The following GPATCH8 variants were observed in gnomAD, a reference collection of about 807,000 sequenced individuals.
GPATCH8 encodes G patch domain-containing protein 8.
A neutral mutation model predicts 118.3 loss-of-function variants in GPATCH8; 18 were observed. The observed-to-expected ratio is 0.15, with a 90% CI of 0.11 to 0.23. GPATCH8 has a LOEUF of 0.23. GPATCH8 is among the 10% of genes least tolerant of loss of function. GPATCH8 has a pLI of 1.00. For missense variants in GPATCH8, 1,631 were observed against 1,873.8 expected (o/e 0.87, Z 2.39); for synonymous variants, 659 against 684.7 (o/e 0.96, Z 0.59).
At chr17:44,502,991 C>G (rs1344208659) in intron 1 of GPATCH8, among the ~76,000 whole-genome samples, 2 of 152,244 alleles carry the variant, frequency 1.3e-5, no homozygotes, top group Non-Finnish European at 2.9e-5. Context: ...CCCCTCTTGT[C>G]CCCTGGGAGC....
Position 44,400,190 on chromosome 17 carries a change from T to G in GPATCH8, c.1887A>C (p.Arg629Ser). ...GEKIVRSSGG[R>S]MDAPASGSAC... ...CAGACCCTGAAGCAGGTGCGTCCAT[T>G]CTGCCTCCTGAGGAACGTACTATTT... is the stretch of plus-strand genomic sequence containing the variant. Residue 629 changes from arginine to serine, a missense_variant, in exon 8 of 8, where the codon AGA becomes AGC. This residue lies in a region of GPATCH8 where 922 missense variants were observed against 879.7 expected (regional missense o/e 1.05). Coordinates refer to ENST00000591680, the MANE Select transcript of GPATCH8 (RefSeq NM_001002909.4). 1.2e-6 allele frequency: 2 copies of G among 1,614,174 alleles called. No individual in the cohort carries two copies. Among genetic ancestry groups the G allele is most frequent in the Non-Finnish European group, 1.7e-6 (2 of 1,180,032 alleles).
At chr17:44,475,410 T>C (rs1967674802) in intron 1 of GPATCH8, among the ~76,000 whole-genome samples, 2 of 133,452 alleles carry the variant, frequency 1.5e-5, no homozygotes, top group Non-Finnish European at 3.2e-5. Flanking sequence ...GAAAAAACTT[T>C]ATAAAAGGCC....
At chr17:44,450,193 A>T (rs1345715970) in intron 3 of GPATCH8, among the ~76,000 whole-genome samples, 1 of 152,222 alleles carries the variant, frequency 6.6e-6, no homozygotes, top group African/African-American at 2.4e-5. Context: ...GTTCAAATAC[A>T]GCCTGGTATG....
At position 44,401,207 on chromosome 17, in the gene GPATCH8, A is replaced by G. The variant is rs974106940; in HGVS notation, c.870T>C (p.Asn290=). 4 of 1,614,018 alleles carry G rather than the reference A, an allele frequency of 2.5e-6. No individual in the cohort carries two copies. The highest frequency in any genetic ancestry group is 3.3e-5 in the Admixed American group (2 of 59,998). Residue 290 remains asparagine, a synonymous_variant, in exon 8 of 8, where the codon AAT becomes AAC. Transcript: ENST00000591680. ...CCAATTTTTGCAATGGGGTCCCCAG[A>G]TTATTCTTAATGCCAAAGCTGATGC... The part of the protein sequence containing the change: ...SQGISFGIKN[N]LGTPLQKLGV...
At chr17:44,420,868 CTTTATT>C (rs2049873258) in intron 6 of GPATCH8, among the ~76,000 whole-genome samples, 1 of 151,828 alleles carries the variant, frequency 6.6e-6, no homozygotes, top group East Asian at 1.9e-4. Flanking sequence ...TTACTTTTTT[CTTTATT>C]TTTGAGATGG....
rs896661278 is a variant in GPATCH8 at position 44,396,200 on chromosome 17, T to A, written c.*1368A>T. 8.8e-6 allele frequency: 4 copies of A among 454,390 alleles called. No individual in the cohort carries two copies. Among genetic ancestry groups the A allele is most frequent in the Non-Finnish European group, 1.8e-5 (4 of 226,790 alleles). 28.1% of individuals were successfully genotyped at this position (454,390 alleles called of 1,614,324 possible). On this transcript the variant is annotated 3_prime_UTR_variant, in exon 8 of 8. Coordinates refer to ENST00000591680, the MANE Select transcript of GPATCH8 (RefSeq NM_001002909.4). Reference sequence around the variant, plus strand: ...GTACTAGGAAGGCAAATGGACTGACTGCCTGGAACAAGGTACCCAGGGAAA... The same window carrying A: ...GTACTAGGAAGGCAAATGGACTGACAGCCTGGAACAAGGTACCCAGGGAAA...
intron 3 of GPATCH8, among the ~76,000 whole-genome samples, chr17:44,456,932 C>G (rs1256690345): frequency 6.6e-6 from 1 of 151,954 alleles, no homozygotes; most frequent in African/African-American, 2.4e-5. Flanking sequence ...GGCGCAATCT[C>G]GGCTCACTAC....
intron 6 of GPATCH8, 87 bp from the exon 7 acceptor site, chr17:44,406,138 C>T (rs2049212177): frequency 2.2e-6 from 2 of 920,432 alleles, no homozygotes; most frequent in African/African-American, 3.2e-5. Context: ...ACATGACCCT[C>T]AACCAACAGT....
intron 6 of GPATCH8, 123 bp downstream of exon 6, chr17:44,424,226 C>A: frequency 2.7e-6 from 2 of 741,962 alleles, no homozygotes; most frequent in Non-Finnish European, 4.9e-6. Flanking sequence ...TGGATGACTG[C>A]AGATAAAGAT....
chr17:44,479,374 T>C (rs1968028639), intron 1 of GPATCH8, among the ~76,000 whole-genome samples: 1 of 152,208 alleles, frequency 6.6e-6, no homozygotes, highest in Non-Finnish European at 1.5e-5. Flanking sequence ...CTAATTAACT[T>C]TTCAAATCAT....
At chr17:44,414,115 A>ATATG (rs1555624945) in intron 6 of GPATCH8, among the ~76,000 whole-genome samples, 7 of 83,440 alleles carry the variant, frequency 8.4e-5, no homozygotes, top group Admixed American at 1.3e-4. Flanking sequence ...GTATATATAT[A>ATATG]TGTATATATA....
chr17:44,439,246 G>T (rs2050611452), intron 3 of GPATCH8, among the ~76,000 whole-genome samples: 1 of 152,158 alleles, frequency 6.6e-6, no homozygotes, highest in Non-Finnish European at 1.5e-5. Context: ...AGTGCTTGGA[G>T]AACTTTGTGC....
At chr17:44,436,965 G>A (rs1355354993) in intron 3 of GPATCH8, among the ~76,000 whole-genome samples, 1 of 151,760 alleles carries the variant, frequency 6.6e-6, no homozygotes, top group Admixed American at 6.6e-5. Flanking sequence ...AATCTCAACT[G>A]GCATGGTTAA....
rs2048854575 is a variant in GPATCH8 at position 44,398,281 on chromosome 17, C to T, written c.3796G>A (p.Glu1266Lys). ...GGTGCTATAGGCAGCAAGCTGGACT[C>T]CACAGGGCCTGGCTGACTGCTGCTA... Reference protein sequence around the residue: ...LDSSSQPGPVESSLLPIAPDL... With the variant: ...LDSSSQPGPVKSSLLPIAPDL... The change falls in exon 8 of 8, where the codon GAG (glutamate) becomes AAG (lysine). Residue 1266 changes from glutamate (E) to lysine (K), a missense_variant. Around this residue, in one of 8 missense-constraint regions of GPATCH8, gnomAD observed 922 missense variants for 879.7 expected, o/e 1.05. Coordinates refer to ENST00000591680, the MANE Select transcript of GPATCH8 (RefSeq NM_001002909.4). 6.2e-7 allele frequency: 1 copy of T among 1,613,730 alleles called. No individual in the cohort carries two copies. The highest frequency in any genetic ancestry group is 8.5e-7 in the Non-Finnish European group (1 of 1,179,808).
intron 7 of GPATCH8, among the ~76,000 whole-genome samples, chr17:44,402,458 G>A (rs1598408708): frequency 1.3e-5 from 2 of 150,268 alleles, no homozygotes; most frequent in South Asian, 4.2e-4. Flanking sequence ...GGCTGTACAT[G>A]TATTCACATA....
intron 1 of GPATCH8, among the ~76,000 whole-genome samples, chr17:44,494,108 T>C (rs1186876068): frequency 6.6e-6 from 1 of 152,102 alleles, no homozygotes; most frequent in Non-Finnish European, 1.5e-5. Flanking sequence ...ATTTCAAACA[T>C]TGTGTTCTAC....
intron 3 of GPATCH8, among the ~76,000 whole-genome samples, chr17:44,453,559 ACT>A (rs1328295376): frequency 8.8e-6 from 1 of 113,320 alleles, no homozygotes; most frequent in African/African-American, 3.5e-5. Context: ...ACATGCTCTC[ACT>A]GTCATCCAGG....
chr17:44,405,559 C>A lies in GPATCH8; in HGVS notation c.623+362G>T, dbSNP rs113478183. Among the ~76,000 whole-genome samples the A allele has an allele frequency of 4.4e-3, 647 of 147,304 alleles. 7 individuals carry two copies. Among genetic ancestry groups the A allele is most frequent in the African/African-American group, 0.016 (629 of 39,682 alleles). ...TTGCTCTGTCGCCCAGGCTGGAGTA[C>A]AGTGGTGCGATCTTGGCTCACTGCA... On this transcript the variant is annotated intron_variant, in intron 7 of 7. Coordinates refer to ENST00000591680, the MANE Select transcript of GPATCH8 (RefSeq NM_001002909.4).
In GPATCH8 at chr17:44,395,718, T is replaced by G. The variant is rs1432806805; in HGVS notation, c.*1850A>C. ...TTTCTTTTCATAAACTTTACTCTTT[T>G]GAGAATTTGCGAAGGCAGGAACAGA... On this transcript the variant is annotated 3_prime_UTR_variant, in exon 8 of 8. Transcript: ENST00000591680. 4.4e-6 allele frequency: 2 copies of G among 454,142 alleles called. No homozygotes were observed. Among genetic ancestry groups the G allele is most frequent in the Non-Finnish European group, 8.8e-6 (2 of 226,798 alleles). 28.1% of individuals were successfully genotyped at this position (454,142 alleles called of 1,614,324 possible). A position where few individuals can be genotyped will look rare whatever the true frequency, so the allele number is the denominator to read the frequency against.
Sources: allele counts gnomAD v4.1 joint callset (sites outside exome capture counted in the v4.1 genomes callset), GRCh38; gene constraint gnomAD v4.1.1; regional missense constraint gnomAD v4.1.1; transcripts MANE v1.5; gene names NCBI Gene and HGNC (gene_info 2026-07-23, HGNC 2026-07-21).